The following FREM1 variants were observed in gnomAD, a reference collection of about 807,000 sequenced individuals.
FREM1 encodes FRAS1 related extracellular matrix 1, also known as FRAS1-related extracellular matrix protein 1.
A neutral mutation model predicts 210.1 loss-of-function variants in FREM1; 220 were observed. That is an observed-to-expected ratio of 1.05 (90% confidence interval 0.94 to 1.17). FREM1 has a LOEUF of 1.17. FREM1 is among the 50% of genes most tolerant of loss of function. The pLI, the probability that FREM1 is intolerant of heterozygous loss-of-function variation, is 0.00. For synonymous variants in FREM1, 1,189 were observed against 980.2 expected (o/e 1.21, Z -3.98); for missense variants, 3,454 against 2,675.5 (o/e 1.29, Z -6.42).
rs1418647978 is a variant in FREM1, at chr9:14,737,372, G to A, written c.*24C>T. 1.3e-6 allele frequency: 2 copies of A among 1,572,706 alleles called. No individual in the cohort carries two copies. Among genetic ancestry groups the A allele is most frequent in the Non-Finnish European group, 1.7e-6 (2 of 1,148,458 alleles). ...AATAAATAGGTGACAAACTCCAGGT[G>A]GCCCCCTGTAGGGTCTGTTATATTT... is the stretch of plus-strand genomic sequence containing the variant. On this transcript the variant is annotated 3_prime_UTR_variant, in exon 37 of 37. Coordinates refer to ENST00000380880, the MANE Select transcript of FREM1 (RefSeq NM_001379081.2).
At chr9:14,759,994 A>G in intron 27 of FREM1, 93 bp from the exon 28 acceptor site, 1 of 944,812 alleles carries the variant, frequency 1.1e-6, no homozygotes, top group African/African-American at 1.7e-5. Flanking sequence ...AACGTGGTTG[A>G]TCAACCTACA....
chr9:14,753,495 GC>G (rs946452341), intron 29 of FREM1, among the ~76,000 whole-genome samples: 15 of 152,258 alleles, frequency 9.9e-5, no homozygotes, highest in African/African-American at 3.6e-4. Context: ...GTTAGGGTTT[GC>G]TTTTGTTTGT....
intron 28 of FREM1, among the ~76,000 whole-genome samples, chr9:14,756,977 T>C (rs1844497645): frequency 6.6e-6 from 1 of 152,164 alleles, no homozygotes. Context: ...CCTGTCTGGA[T>C]GAAGCCATTA....
chr9:14,819,604 A>T (rs1820916375), intron 13 of FREM1, among the ~76,000 whole-genome samples, 162 bp from the exon 14 acceptor site: 1 of 152,240 alleles, frequency 6.6e-6, no homozygotes, highest in Admixed American at 6.5e-5. Flanking sequence ...ATTTTGACTG[A>T]AAAATTTTTT....
rs1183706648 is a variant in FREM1, at chr9:14,861,035, AT to A, written c.330-1552del. On this transcript the variant is annotated intron_variant, in intron 3 of 36. Transcript: ENST00000380880. Reference sequence around the variant, plus strand: ...TACATATATACACATATATACATATATACATATATACATATATACATATATA... The same window carrying A: ...TACATATATACACATATATACATATAACATATATACATATATACATATATA... Among the ~76,000 whole-genome samples, 8 of 76,114 alleles carry A rather than the reference AT, an allele frequency of 1.1e-4. 3 individuals are homozygous for A. Among genetic ancestry groups the A allele is most frequent in the African/African-American group, 5.3e-4 (8 of 15,172 alleles). 49.9% of individuals were successfully genotyped at this position (76,114 alleles called of 152,430 possible).
At chr9:14,755,781 A>G (rs1285383173) in intron 29 of FREM1, among the ~76,000 whole-genome samples, 1 of 152,240 alleles carries the variant, frequency 6.6e-6, no homozygotes, top group Admixed American at 6.5e-5. Flanking sequence ...CCAGTGCACT[A>G]TCAGTGAGTG....
chr9:14,877,107 G>C (rs1326450014), intron 1 of FREM1, among the ~76,000 whole-genome samples: 1 of 152,146 alleles, frequency 6.6e-6, no homozygotes, highest in East Asian at 1.9e-4. Flanking sequence ...CTTTAATGCT[G>C]GGACCCTAGA....
Position 14,784,314 on chromosome 9 carries a change from C to T in FREM1, c.4442+56G>A, listed in dbSNP as rs41265304. The stretch of plus-strand genomic sequence containing the variant: ...ATAGTGAAGCACATTAACAGATCTC[C>T]TTTTCTGTAAGTATTAATCCAAAGA... On this transcript the variant is annotated intron_variant, in intron 24 of 36. Transcript: ENST00000380880. 0.031 allele frequency: 47,286 copies of T among 1,536,358 alleles called. 1,831 individuals carry two copies. The highest frequency in any genetic ancestry group is 0.15 in the African/African-American group (11,142 of 73,544).
At position 14,806,674 on chromosome 9, in the gene FREM1, A is replaced by T. The variant is rs778851487; in HGVS notation, c.3261T>A (p.Ile1087=). 280 of 1,589,558 alleles carry T rather than the reference A, an allele frequency of 1.8e-4. No individual in the cohort carries two copies. Among genetic ancestry groups the T allele is most frequent in the Non-Finnish European group, 2.3e-4 (271 of 1,163,944 alleles). The stretch of plus-strand genomic sequence containing the variant: ...GCTACAGCTTACCTATACTTATGCC[A>T]ATATTGCTTTTTTCAAAACCCACAG... ...LPSVGFEKSN[I]GISIDSFQWK... The change falls in exon 18 of 37, where the codon ATT becomes ATA. Residue 1087 remains isoleucine, a synonymous_variant. Coordinates refer to ENST00000380880, the MANE Select transcript of FREM1 (RefSeq NM_001379081.2).
At chr9:14,846,206 G>A in intron 7 of FREM1, 115 bp from the exon 8 acceptor site, 1 of 792,358 alleles carries the variant, frequency 1.3e-6, no homozygotes, top group Non-Finnish European at 2.0e-6. Context: ...CATGCCCTTT[G>A]CAGGGACATG....
In FREM1 at chr9:14,846,061, G is replaced by A; in HGVS notation, c.1292C>T (p.Ala431Val). The change falls in exon 8 of 37, where the codon GCC becomes GTC. Residue 431 changes from alanine to valine, a missense_variant. Coordinates refer to ENST00000380880, the MANE Select transcript of FREM1 (RefSeq NM_001379081.2). ...GLSLLEGQSR[A>V]ITWEQFQVVD... ...AACCTGAAACTGTTCCCAAGTGATG[G>A]CTCGAGACTGCCCCTCAAGGAGACT... 2.5e-6 allele frequency: 4 copies of A among 1,592,488 alleles called. No individual in the cohort carries two copies. Among genetic ancestry groups the A allele is most frequent in the Non-Finnish European group, 3.4e-6 (4 of 1,168,500 alleles).
chr9:14,808,191 T>G, intron 16 of FREM1, 57 bp from the exon 17 acceptor site: 1 of 1,118,040 alleles, frequency 8.9e-7, no homozygotes, highest in Non-Finnish European at 1.3e-6. Flanking sequence ...AATACCAAGA[T>G]GAAATCTACT....
intron 10 of FREM1, among the ~76,000 whole-genome samples, chr9:14,829,160 G>GT (rs1195417037): frequency 6.6e-6 from 1 of 152,166 alleles, no homozygotes; most frequent in Non-Finnish European, 1.5e-5. Flanking sequence ...TGCAAACTGA[G>GT]TAAGTCATGT....
chr9:14,873,773 T>G (rs1352749967), intron 1 of FREM1, among the ~76,000 whole-genome samples: 1 of 152,270 alleles, frequency 6.6e-6, no homozygotes, highest in East Asian at 1.9e-4. Context: ...GTGTCAATTT[T>G]GGATCTTTCC....
In FREM1 at chr9:14,770,813, C is replaced by A. The variant is rs776496934; in HGVS notation, c.4858-7G>T. The A allele has an allele frequency of 3.7e-6, 6 of 1,605,312 alleles. No individual in the cohort carries two copies. The highest frequency in any genetic ancestry group is 5.1e-6 in the Non-Finnish European group (6 of 1,174,496). On this transcript the variant is annotated splice_region_variant and splice_polypyrimidine_tract_variant and intron_variant, in intron 25 of 36. Transcript: ENST00000380880. ...TTTTGTCCAATTGGTCTACCTGGAT[C>A]ATCAACAATGACATAAAATGTTGTC...
intron 1 of FREM1, among the ~76,000 whole-genome samples, chr9:14,888,735 T>C (rs1045802561): frequency 1.1e-4 from 17 of 152,244 alleles, no homozygotes; most frequent in African/African-American, 3.9e-4. Flanking sequence ...TTCTCTACAA[T>C]GTTTTCTAAT....
At chr9:14,771,028 C>CT (rs1319674800) in intron 25 of FREM1, among the ~76,000 whole-genome samples, 1 of 152,122 alleles carries the variant, frequency 6.6e-6, no homozygotes, top group Non-Finnish European at 1.5e-5. Context: ...CTTGACTCCA[C>CT]TTTATCAATT....
At chr9:14,882,517 G>A (rs1206075934) in intron 1 of FREM1, among the ~76,000 whole-genome samples, 1 of 149,194 alleles carries the variant, frequency 6.7e-6, no homozygotes, top group African/African-American at 2.5e-5. Context: ...CTGCAGTGCA[G>A]TAGCACAGCC....
intron 19 of FREM1, among the ~76,000 whole-genome samples, chr9:14,804,111 T>G (rs909655358): frequency 6.6e-6 from 1 of 152,194 alleles, no homozygotes; most frequent in Non-Finnish European, 1.5e-5. Flanking sequence ...CCTCAAATCT[T>G]CTTGCAGCAT....
Sources: gnomAD v4.1 joint callset for allele counts (sites outside exome capture counted in the v4.1 genomes callset) on GRCh38, gnomAD v4.1.1 for gene constraint, MANE v1.5 for transcripts, NCBI Gene and HGNC (gene_info 2026-07-23, HGNC 2026-07-21) for gene names.